DSCAM: variants seen among roughly 807,000 people sequenced by gnomAD.
The protein encoded by DSCAM is DS cell adhesion molecule, also known as cell adhesion molecule DSCAM.
Under a neutral mutation model 217.7 loss-of-function variants are expected in DSCAM, and 47 were observed. The ratio of observed to expected loss-of-function variants is 0.22; its 90% CI spans 0.17 to 0.28. The LOEUF (loss-of-function observed/expected upper bound fraction) is 0.28. DSCAM is among the 10% of genes least tolerant of loss of function. The probability of loss-of-function intolerance (pLI) is 1.00; values close to 1 mark genes in which losing one functional copy is unlikely to be tolerated. For synonymous variants in DSCAM, 1,056 were observed against 1,015.3 expected, an observed-to-expected ratio of 1.04 and a Z score of -0.76; for missense variants, 2,080 against 2,618.3, an observed-to-expected ratio of 0.79 and a Z score of 4.49.
intron 11 of DSCAM, among the ~76,000 whole-genome samples, chr21:40,258,209 A>T (rs1387811750): frequency 1.3e-5 from 2 of 152,222 alleles, no homozygotes. Context: ...CATGTCTTCC[A>T]AAACTTCTTC....
At chr21:40,388,379 C>T (rs144417550) in intron 3 of DSCAM, among the ~76,000 whole-genome samples, 3 of 152,110 alleles carry the variant, frequency 2.0e-5, no homozygotes, top group African/African-American at 7.2e-5. Flanking sequence ...GGAGGGAGAT[C>T]ACAGCAGATG....
chr21:40,545,731 C>A (rs1256039453), intron 3 of DSCAM, among the ~76,000 whole-genome samples: 1 of 152,220 alleles, frequency 6.6e-6, no homozygotes, highest in Non-Finnish European at 1.5e-5. Context: ...CAGCAATGGT[C>A]TGGCTATGGC....
chr21:40,561,743 G>T (rs1418354171), intron 3 of DSCAM, among the ~76,000 whole-genome samples: 1 of 152,084 alleles, frequency 6.6e-6, no homozygotes, highest in East Asian at 1.9e-4. Context: ...AAACAATAAT[G>T]ACGAGACCGA....
chr21:40,742,427 A>C (rs2091133089), intron 1 of DSCAM, among the ~76,000 whole-genome samples: 1 of 152,202 alleles, frequency 6.6e-6, no homozygotes, highest in African/African-American at 2.4e-5. Flanking sequence ...GTAGGGCTGG[A>C]GAAGCCAAGG....
At chr21:40,150,620 T>C (rs2090414552) in intron 16 of DSCAM, among the ~76,000 whole-genome samples, 1 of 151,770 alleles carries the variant, frequency 6.6e-6, no homozygotes, top group South Asian at 2.1e-4. Flanking sequence ...TCAGTAGGAG[T>C]GGAAGGTGTG....
At chr21:40,090,285 C>G (rs1422314166) in intron 21 of DSCAM, among the ~76,000 whole-genome samples, 1 of 152,166 alleles carries the variant, frequency 6.6e-6, no homozygotes, top group African/African-American at 2.4e-5. Context: ...AACCCAGAGC[C>G]TTTCCTCGAA....
intron 11 of DSCAM, among the ~76,000 whole-genome samples, chr21:40,225,610 G>A (rs994025734): frequency 6.6e-6 from 1 of 152,092 alleles, no homozygotes; most frequent in Admixed American, 6.6e-5. Flanking sequence ...GAGGGATTAA[G>A]AGGCCCCGCC....
chr21:40,498,964 A>C lies in DSCAM; in HGVS notation c.509-129719T>G, dbSNP rs186620404. On this transcript the variant is annotated intron_variant, in intron 3 of 32. Transcript: ENST00000400454. ...GGGAGATTAATTTAAACACAAGAGA[A>C]TTTCTCATTATAGCAATGTAATACG... Among the ~76,000 whole-genome samples the C allele has an allele frequency of 3.9e-3, 595 of 151,514 alleles. 4 individuals carry two copies. Among genetic ancestry groups the C allele is most frequent in the Non-Finnish European group, 5.7e-3 (384 of 67,848 alleles).
At chr21:40,024,646 T>G (rs2088339386) in intron 32 of DSCAM, among the ~76,000 whole-genome samples, 1 of 70,686 alleles carries the variant, frequency 1.4e-5, no homozygotes, top group African/African-American at 5.5e-5. Context: ...TGAATGGGAG[T>G]TCACTCATGA....
intron 3 of DSCAM, among the ~76,000 whole-genome samples, chr21:40,575,403 G>A (rs1401869317): frequency 6.6e-6 from 1 of 151,850 alleles, no homozygotes; most frequent in African/African-American, 2.4e-5. Context: ...ACACGGACGC[G>A]AATGAAACAT....
At chr21:40,015,129 TC>T (rs1471517814) in intron 32 of DSCAM, among the ~76,000 whole-genome samples, 1 of 152,192 alleles carries the variant, frequency 6.6e-6, no homozygotes, top group Non-Finnish European at 1.5e-5. Flanking sequence ...TAAATAACAT[TC>T]CCATCTATCT....
At chr21:40,391,993 C>A (rs2837608) in intron 3 of DSCAM, among the ~76,000 whole-genome samples, 3 of 151,936 alleles carry the variant, frequency 2.0e-5, no homozygotes, top group Non-Finnish European at 4.4e-5. Context: ...GTGGGAACCA[C>A]GCCGGTGAAA....
intron 3 of DSCAM, among the ~76,000 whole-genome samples, chr21:40,452,595 C>T (rs1257922309): frequency 6.6e-6 from 1 of 152,070 alleles, no homozygotes; most frequent in African/African-American, 2.4e-5. Context: ...CTTCTATATT[C>T]TATTTCATAA....
At chr21:40,647,366 A>G (rs2089960360) in intron 3 of DSCAM, among the ~76,000 whole-genome samples, 1 of 152,130 alleles carries the variant, frequency 6.6e-6, no homozygotes, top group South Asian at 2.1e-4. Flanking sequence ...AGTTGAGAAA[A>G]TAATTATAAA....
intron 5 of DSCAM, among the ~76,000 whole-genome samples, chr21:40,350,093 C>T (rs543035719): frequency 4.6e-5 from 7 of 151,926 alleles, no homozygotes; most frequent in East Asian, 3.9e-4. Flanking sequence ...GGGATACATG[C>T]GCTGAACCTA....
At chr21:40,803,224 T>C (rs1031318595) in intron 1 of DSCAM, among the ~76,000 whole-genome samples, 34 of 152,360 alleles carry the variant, frequency 2.2e-4, no homozygotes, top group African/African-American at 7.9e-4. Flanking sequence ...ATCTGCCATA[T>C]GGTAGATACA....
intron 3 of DSCAM, among the ~76,000 whole-genome samples, chr21:40,559,786 C>CTTTTTTTTTTTT (rs548599799): frequency 1.8e-5 from 2 of 109,410 alleles, no homozygotes; most frequent in Non-Finnish European, 3.7e-5. Flanking sequence ...AATTTTCTGT[C>CTTTTTTTTTTTT]TTTTTTTTTT....
At chr21:40,315,040 G>A (rs146802154) in intron 8 of DSCAM, among the ~76,000 whole-genome samples, 222 of 152,286 alleles carry the variant, frequency 1.5e-3, no homozygotes, top group African/African-American at 5.1e-3. Flanking sequence ...GAAGGAATAC[G>A]TGAGGATTTA....
At chr21:40,373,894 AAAAG>A (rs1333076496) in intron 3 of DSCAM, among the ~76,000 whole-genome samples, 1 of 152,234 alleles carries the variant, frequency 6.6e-6, no homozygotes, top group African/African-American at 2.4e-5. Flanking sequence ...TCATCTAGAA[AAAAG>A]AGAGATGATG....
Sources: gnomAD v4.1 joint callset for allele counts (sites outside exome capture counted in the v4.1 genomes callset) on GRCh38, gnomAD v4.1.1 for gene constraint, MANE v1.5 for transcripts, NCBI Gene and HGNC (gene_info 2026-07-23, HGNC 2026-07-21) for gene names.